CDC42BPA: variants seen among roughly 807,000 people sequenced by gnomAD.
CDC42BPA encodes serine/threonine-protein kinase MRCK alpha.
A neutral mutation model predicts 223.5 loss-of-function variants in CDC42BPA; 80 were observed. The observed-to-expected ratio is 0.36, with a 90% CI of 0.30 to 0.43. The LOEUF (loss-of-function observed/expected upper bound fraction) is 0.43, where lower values mean the gene tolerates loss of function less well. Ranked by LOEUF, CDC42BPA falls within the 20% of genes least tolerant of loss-of-function variation. The pLI, the probability that CDC42BPA is intolerant of heterozygous loss-of-function variation, is 1.00. For synonymous variants in CDC42BPA, 694 were observed against 718.6 expected, an observed-to-expected ratio of 0.97 and a Z score of 0.55; for missense variants, 1,743 against 2,099.9, an observed-to-expected ratio of 0.83 and a Z score of 3.32.
intron 10 of CDC42BPA, among the ~76,000 whole-genome samples, chr1:227,131,808 A>G (rs1220651979): frequency 2.0e-5 from 3 of 152,218 alleles, no homozygotes; most frequent in Non-Finnish European, 2.9e-5. Flanking sequence ...AAATAAATCC[A>G]TATTATTTAA....
At chr1:227,176,589 CTT>C (rs1413730248) in intron 5 of CDC42BPA, among the ~76,000 whole-genome samples, 3 of 151,698 alleles carry the variant, frequency 2.0e-5, no homozygotes, top group Non-Finnish European at 4.4e-5. Context: ...CTCCTTTTAA[CTT>C]TTTTCTGCTT....
At position 227,273,995 on chromosome 1, in the gene CDC42BPA, C is replaced by CAAAAAAAAAAAAAAAAAAAAAAAA. The variant is rs10599884; in HGVS notation, c.179-19864_179-19841dup. The stretch of plus-strand genomic sequence containing the variant: ...ATAGTTTTCAAATATTCGTATACAC[C>CAAAAAAAAAAAAAAAAAAAAAAAA]AAAAAAAAAAAAAAAAAAAAAAAAA... On this transcript the variant is annotated intron_variant, in intron 1 of 36. Coordinates refer to ENST00000366766, the MANE Select transcript of CDC42BPA (RefSeq NM_001394014.1). Among the ~76,000 whole-genome samples, 9 of 57,004 alleles carry CAAAAAAAAAAAAAAAAAAAAAAAA rather than the reference C, an allele frequency of 1.6e-4. 1 individual carries two copies. Among genetic ancestry groups the CAAAAAAAAAAAAAAAAAAAAAAAA allele is most frequent in the African/African-American group, 5.7e-4 (9 of 15,672 alleles). The allele number at this position is 57,004 out of a possible 152,430, so 37.4% of individuals were successfully genotyped here. A position where few individuals can be genotyped will look rare whatever the true frequency, so the allele number is the denominator to read the frequency against.
chr1:227,257,412 C>T (rs1683269547), intron 1 of CDC42BPA, among the ~76,000 whole-genome samples: 1 of 150,988 alleles, frequency 6.6e-6, no homozygotes, highest in African/African-American at 2.5e-5. Flanking sequence ...ATACTTCAAA[C>T]AGGTGAATTG....
At chr1:227,037,406 C>T (rs1277407741) in intron 24 of CDC42BPA, among the ~76,000 whole-genome samples, 1 of 152,214 alleles carries the variant, frequency 6.6e-6, no homozygotes, top group Non-Finnish European at 1.5e-5. Flanking sequence ...GCTCTTAAAT[C>T]TCTGCTTTCT....
At chr1:227,020,518 T>C (rs534923363) in intron 32 of CDC42BPA, among the ~76,000 whole-genome samples, 1 of 152,366 alleles carries the variant, frequency 6.6e-6, no homozygotes, top group Non-Finnish European at 1.5e-5. Flanking sequence ...GATGGCTTCC[T>C]TCCTTAAATC....
intron 34 of CDC42BPA, chr1:227,010,884 A>G: frequency 2.2e-6 from 3 of 1,362,164 alleles, no homozygotes; most frequent in Non-Finnish European, 2.9e-6. Context: ...ATACCCTCAG[A>G]GTCATAAAGC....
At chr1:227,221,317 G>T (rs929524387) in intron 2 of CDC42BPA, among the ~76,000 whole-genome samples, 1 of 152,008 alleles carries the variant, frequency 6.6e-6, no homozygotes, top group Non-Finnish European at 1.5e-5. Flanking sequence ...ATACCAATAT[G>T]CTGGCAACTC....
chr1:227,124,054 A>T (rs1689122248), intron 11 of CDC42BPA, among the ~76,000 whole-genome samples: 1 of 152,122 alleles, frequency 6.6e-6, no homozygotes, highest in African/African-American at 2.4e-5. Context: ...ATTTAAAAAA[A>T]TTTTATTTTT....
chr1:227,031,322 T>A lies in CDC42BPA; in HGVS notation c.3751A>T (p.Thr1251Ser). 1 of 1,613,962 alleles carries A rather than the reference T, an allele frequency of 6.2e-7. No individual in the cohort carries two copies. Among genetic ancestry groups the A allele is most frequent in the Non-Finnish European group, 8.5e-7 (1 of 1,179,870 alleles). The change falls in exon 28 of 37, where the codon ACA becomes TCA. Residue 1251 changes from threonine to serine, a missense_variant. Thr to Ser is a moderately conservative substitution (Grantham distance 58, BLOSUM62 1). Coordinates refer to ENST00000366766, the MANE Select transcript of CDC42BPA (RefSeq NM_001394014.1). Reference protein sequence around the residue: ...AYDSTLPLIKTTQAAAIIDHE... With the variant: ...AYDSTLPLIKSTQAAAIIDHE... ...CCTATGATTGCGGCTGCCTGGGTTGTTTTAATGAGGGGTAGAGTGCTGTCA... is the reference window on the plus strand; with the variant it reads ...CCTATGATTGCGGCTGCCTGGGTTGATTTAATGAGGGGTAGAGTGCTGTCA...
At chr1:227,030,983 G>A (rs1288865763) in intron 28 of CDC42BPA, among the ~76,000 whole-genome samples, 1 of 152,052 alleles carries the variant, frequency 6.6e-6, no homozygotes, top group African/African-American at 2.4e-5. Context: ...ATTACCATCT[G>A]TATTTTATAT....
At chr1:227,255,803 A>C (rs2670467) in intron 1 of CDC42BPA, among the ~76,000 whole-genome samples, 46,798 of 152,134 alleles carry the variant, frequency 0.31, 7,373 homozygotes, top group East Asian at 0.37. Context: ...AAATTAAAGA[A>C]GACTTAAATA....
chr1:227,046,384 G>A (rs1672455799), intron 23 of CDC42BPA, among the ~76,000 whole-genome samples: 1 of 152,070 alleles, frequency 6.6e-6, no homozygotes, highest in Non-Finnish European at 1.5e-5. Context: ...ACAGTCCCAA[G>A]AGTCAGTATT....
chr1:227,239,776 G>C (rs1217299218), intron 2 of CDC42BPA, among the ~76,000 whole-genome samples: 1 of 151,908 alleles, frequency 6.6e-6, no homozygotes, highest in Non-Finnish European at 1.5e-5. Context: ...TCAGATAAAA[G>C]GCACCTACCA....
In CDC42BPA at chr1:227,101,012, C is replaced by A; in HGVS notation, c.2229G>T (p.Leu743Phe). Reference sequence around the variant, plus strand: ...CTTACCTTTCTCTTCTGGTTTTTTCCAATTTGTCTTTTAAAATCATAATTT... The same window carrying A: ...CTTACCTTTCTCTTCTGGTTTTTTCAAATTTGTCTTTTAAAATCATAATTT... ...NKEIMILKDK[L>F]EKTRRESQSE... Residue 743 changes from leucine (L) to phenylalanine (F), a missense_variant, in exon 15 of 37, where the codon TTG becomes TTT. Around this residue, in one of 6 missense-constraint regions of CDC42BPA, gnomAD observed 464 missense variants for 488.0 expected, o/e 0.95. Coordinates refer to ENST00000366766, the MANE Select transcript of CDC42BPA (RefSeq NM_001394014.1). 6.6e-7 allele frequency: 1 copy of A among 1,516,814 alleles called. No individual in the cohort carries two copies. The highest frequency in any genetic ancestry group is 9.1e-7 in the Non-Finnish European group (1 of 1,100,094). The allele number at this position is 1,516,814 out of a possible 1,614,324, so 94.0% of individuals were successfully genotyped here. A position where few individuals can be genotyped will look rare whatever the true frequency, so the allele number is the denominator to read the frequency against.
intron 34 of CDC42BPA, among the ~76,000 whole-genome samples, chr1:227,006,036 T>C (rs912663995): frequency 6.6e-6 from 1 of 152,194 alleles, no homozygotes; most frequent in Non-Finnish European, 1.5e-5. Context: ...GAAAAATATT[T>C]TAATATTCTT....
At chr1:227,218,635 A>C (rs1572434244) in intron 2 of CDC42BPA, among the ~76,000 whole-genome samples, 1 of 152,178 alleles carries the variant, frequency 6.6e-6, no homozygotes, top group African/African-American at 2.4e-5. Flanking sequence ...CTGATAAGAG[A>C]GCTAGTATAC....
intron 12 of CDC42BPA, among the ~76,000 whole-genome samples, chr1:227,115,871 G>GAAA (rs1361703203): frequency 1.5e-5 from 2 of 132,572 alleles, no homozygotes; most frequent in Admixed American, 7.4e-5. Context: ...AAAGAAAAGA[G>GAAA]GAAAAAAAAA....
At chr1:227,123,019 T>G (rs913055835) in intron 11 of CDC42BPA, among the ~76,000 whole-genome samples, 3 of 152,060 alleles carry the variant, frequency 2.0e-5, no homozygotes, top group African/African-American at 7.2e-5. Context: ...AAAGCTGTAC[T>G]AGGCCGGGCA....
intron 10 of CDC42BPA, among the ~76,000 whole-genome samples, chr1:227,130,790 G>A (rs1656929218): frequency 6.6e-6 from 1 of 152,202 alleles, no homozygotes; most frequent in Admixed American, 6.5e-5. Context: ...GGGAGGCAGA[G>A]GTTGCAGTGA....
Sources: gnomAD v4.1 joint callset for allele counts (sites outside exome capture counted in the v4.1 genomes callset) on GRCh38, gnomAD v4.1.1 for gene constraint, gnomAD v4.1.1 regional missense constraint, MANE v1.5 for transcripts, NCBI Gene and HGNC (gene_info 2026-07-23, HGNC 2026-07-21) for gene names.